Variants in NFXL1 observed in about 807,000 individuals in gnomAD.
NFXL1 encodes nuclear transcription factor, X-box binding like 1.
In NFXL1, 66 loss-of-function variants were observed where a neutral mutation model predicts 123.3. The ratio of observed to expected loss-of-function variants is 0.54; its 90% CI spans 0.44 to 0.66. The LOEUF is 0.66. NFXL1 is among the 30% of genes least tolerant of loss of function. The pLI, the probability that NFXL1 is intolerant of heterozygous loss-of-function variation, is 0.00. For missense variants in NFXL1, 944 were observed against 1,125.6 expected (o/e 0.84, Z 2.31); for synonymous variants, 346 against 360.8 (o/e 0.96, Z 0.46).
intron 2 of NFXL1, 124 bp downstream of exon 2, chr4:47,913,845 C>A (rs1025544376): frequency 8.1e-6 from 5 of 619,052 alleles, no homozygotes; most frequent in Non-Finnish European, 1.3e-5. Flanking sequence ...GAAGTGGGCC[C>A]GATAACAAAC....
intron 18 of NFXL1, among the ~76,000 whole-genome samples, chr4:47,870,731 T>C (rs1242535299): frequency 6.6e-6 from 1 of 152,136 alleles, no homozygotes; most frequent in Non-Finnish European, 1.5e-5. Flanking sequence ...AAGTGGCTTT[T>C]AAATATCACT....
At chr4:47,874,016 G>A (rs1411801790) in intron 18 of NFXL1, among the ~76,000 whole-genome samples, 1 of 152,182 alleles carries the variant, frequency 6.6e-6, no homozygotes, top group Non-Finnish European at 1.5e-5. Flanking sequence ...AACCTATGCT[G>A]CCTTCAAATT....
intron 8 of NFXL1, 29 bp downstream of exon 8, chr4:47,898,728 C>CGTTG: frequency 8.7e-7 from 1 of 1,145,144 alleles, no homozygotes; most frequent in Non-Finnish European, 1.3e-6. Flanking sequence ...CTCTTTAATA[C>CGTTG]CCACCCCTCA....
At chr4:47,877,015 A>C in intron 17 of NFXL1, 1 of 1,216,264 alleles carries the variant, frequency 8.2e-7, no homozygotes, top group Non-Finnish European at 1.1e-6. Context: ...AGTTCACCTA[A>C]AGAGTTTATT....
intron 18 of NFXL1, among the ~76,000 whole-genome samples, chr4:47,868,072 T>C (rs1301574144): frequency 6.6e-6 from 1 of 152,042 alleles, no homozygotes; most frequent in African/African-American, 2.4e-5. Context: ...TCTCAGCACT[T>C]TGGGAGGCCG....
intron 20 of NFXL1, 61 bp downstream of exon 20, chr4:47,854,998 A>G: frequency 2.8e-6 from 2 of 712,668 alleles, no homozygotes; most frequent in Non-Finnish European, 4.5e-6. Flanking sequence ...AAACAAGAAC[A>G]AGAAAACCAC....
Position 47,875,400 on chromosome 4 carries a change from C to T in NFXL1, c.2080-107G>A, listed in dbSNP as rs1735685166. The T allele has an allele frequency of 6.8e-6, 5 of 738,756 alleles. No homozygotes were observed. In the South Asian group the frequency reaches 1.2e-4, roughly 18 times the overall value. 45.8% of individuals were successfully genotyped at this position (738,756 alleles called of 1,614,324 possible). A position where few individuals can be genotyped will look rare whatever the true frequency, so the allele number is the denominator to read the frequency against. The stretch of plus-strand genomic sequence containing the variant: ...ATCCCATTAAAATAAAGTACTTCTG[C>T]AGTTCTTAGAAACAGAGTTAATCAA... On this transcript the variant is annotated intron_variant, in intron 17 of 22. Coordinates refer to ENST00000507489, the MANE Select transcript of NFXL1 (RefSeq NM_001278624.2).
At chr4:47,862,952 T>C (rs777452274) in intron 18 of NFXL1, 37 bp from the exon 19 acceptor site, 2 of 1,119,742 alleles carry the variant, frequency 1.8e-6, no homozygotes, top group Non-Finnish European at 2.6e-6. Context: ...CAAACAAAAA[T>C]CCATTTTATA....
chr4:47,899,000 A>C lies in NFXL1; in HGVS notation c.947T>G (p.Leu316Trp). ...TTCACACTTATGTTGCCCACAAAGC[A>C]ACTTCTGTCCACATGGCAGCTGACA... ...WSCQLPCGQK[L>W]LCGQHKCENP... Residue 316 changes from leucine to tryptophan, a missense_variant, in exon 7 of 23, where the codon TTG becomes TGG. Leu to Trp is a moderately conservative substitution (Grantham distance 61). This residue lies in a region of NFXL1 where 296 missense variants were observed against 395.1 expected (regional missense o/e 0.75). Coordinates refer to ENST00000507489, the MANE Select transcript of NFXL1 (RefSeq NM_001278624.2). The C allele has an allele frequency of 6.2e-7, 1 of 1,614,120 alleles. No individual in the cohort carries two copies. Among genetic ancestry groups the C allele is most frequent in the Non-Finnish European group, 8.5e-7 (1 of 1,180,004 alleles).
chr4:47,890,714 A>T lies in NFXL1; in HGVS notation c.1453-11T>A, dbSNP rs201226018. The T allele has an allele frequency of 3.9e-6, 6 of 1,520,540 alleles. No individual in the cohort carries two copies. Among genetic ancestry groups the T allele is most frequent in the Non-Finnish European group, 5.5e-6 (6 of 1,095,798 alleles). The allele number at this position is 1,520,540 out of a possible 1,614,324, so 94.2% of individuals were successfully genotyped here. On this transcript the variant is annotated splice_polypyrimidine_tract_variant and intron_variant, in intron 11 of 22. Coordinates refer to ENST00000507489, the MANE Select transcript of NFXL1 (RefSeq NM_001278624.2). ...GTTTCCAGGGCAACACTGAAGAGAA[A>T]GCAATATATAAAGAACAGGTAATTC...
intron 14 of NFXL1, among the ~76,000 whole-genome samples, chr4:47,884,725 T>C (rs547594074): frequency 1.1e-4 from 17 of 152,258 alleles, no homozygotes; most frequent in African/African-American, 3.1e-4. Context: ...AGAAAAACAA[T>C]TGGAAACTCC....
intron 18 of NFXL1, among the ~76,000 whole-genome samples, chr4:47,863,895 CCTT>C (rs1734905874): frequency 6.6e-6 from 1 of 152,160 alleles, no homozygotes; most frequent in African/African-American, 2.4e-5. Context: ...GTTTCCCATA[CCTT>C]TTTTCTCCTT....
At chr4:47,861,790 A>G (rs2110043373) in intron 19 of NFXL1, among the ~76,000 whole-genome samples, 1 of 152,294 alleles carries the variant, frequency 6.6e-6, no homozygotes, top group African/African-American at 2.4e-5. Flanking sequence ...AAAACTCTCA[A>G]TTTCCAACAG....
intron 4 of NFXL1, 137 bp from the exon 5 acceptor site, chr4:47,903,460 T>A (rs952972192): frequency 9.3e-6 from 4 of 429,942 alleles, no homozygotes; most frequent in Non-Finnish European, 1.6e-5. Context: ...CCTTCCAGTA[T>A]AACAGAAGAA....
intron 3 of NFXL1, among the ~76,000 whole-genome samples, chr4:47,908,939 A>G (rs1349146271): frequency 7.7e-6 from 1 of 130,262 alleles, no homozygotes; most frequent in African/African-American, 2.8e-5. Context: ...TGGGCGACAG[A>G]GTGAGACTCC....
rs773831814 is a variant in NFXL1, at chr4:47,899,557, A to C, written c.648-9T>G. The C allele has an allele frequency of 8.8e-6, 14 of 1,584,132 alleles. No homozygotes were observed. The South Asian group carries it at 1.4e-4, about 16-fold the overall frequency. ...CAAACCTACATTTTGGACTACAAAGAAGAAGAAAATTATTAAAGCTAACTT... is the reference window on the plus strand; with the variant it reads ...CAAACCTACATTTTGGACTACAAAGCAGAAGAAAATTATTAAAGCTAACTT... On this transcript the variant is annotated splice_polypyrimidine_tract_variant and intron_variant, in intron 5 of 22. Transcript: ENST00000507489.
intron 12 of NFXL1, among the ~76,000 whole-genome samples, chr4:47,888,467 G>A (rs1271421885): frequency 6.6e-6 from 1 of 152,078 alleles, no homozygotes; most frequent in African/African-American, 2.4e-5. Flanking sequence ...TTGCACAACA[G>A]CATCTTCCAC....
Position 47,898,998 on chromosome 4 carries a change from G to A in NFXL1, c.949C>T (p.Leu317Phe). 6.2e-7 allele frequency: 1 copy of A among 1,613,906 alleles called. No individual in the cohort carries two copies. Among genetic ancestry groups the A allele is most frequent in the Non-Finnish European group, 8.5e-7 (1 of 1,179,966 alleles). ...SCQLPCGQKL[L>F]CGQHKCENPC... Reference sequence around the variant, plus strand: ...TTTTCACACTTATGTTGCCCACAAAGCAACTTCTGTCCACATGGCAGCTGA... The same window carrying A: ...TTTTCACACTTATGTTGCCCACAAAACAACTTCTGTCCACATGGCAGCTGA... The change falls in exon 7 of 23, where the codon CTT (leucine) becomes TTT (phenylalanine). Residue 317 changes from leucine to phenylalanine, a missense_variant. By Grantham distance (22) the Leu-to-Phe change is conservative (BLOSUM62 0). Around this residue, in one of 4 missense-constraint regions of NFXL1, gnomAD observed 296 missense variants for 395.1 expected, o/e 0.75. Transcript: ENST00000507489.
chr4:47,890,824 T>A, intron 11 of NFXL1, 121 bp from the exon 12 acceptor site: 1 of 582,000 alleles, frequency 1.7e-6, no homozygotes, highest in East Asian at 2.9e-5. Flanking sequence ...AAAGAAGTAT[T>A]CAAGAATATC....
Sources: allele counts gnomAD v4.1 joint callset (sites outside exome capture counted in the v4.1 genomes callset), GRCh38; gene constraint gnomAD v4.1.1; regional missense constraint gnomAD v4.1.1; transcripts MANE v1.5; gene names NCBI Gene and HGNC (gene_info 2026-07-23, HGNC 2026-07-21).